Variants in SPAG16 observed in about 807,000 individuals in gnomAD.
The protein encoded by SPAG16 is sperm associated antigen 16.
SPAG16 carries 86 observed loss-of-function variants against 80.4 expected under a neutral mutation model. The observed-to-expected ratio is 1.07, with a 90% confidence interval of 0.90 to 1.28. SPAG16 has a LOEUF of 1.28. Ranked by LOEUF, SPAG16 falls within the 50% of genes most tolerant of loss-of-function variation. The pLI, the probability that SPAG16 is intolerant of heterozygous loss-of-function variation, is 0.00. For missense variants in SPAG16, 870 were observed against 765.3 expected, an observed-to-expected ratio of 1.14 and a Z score of -1.61; for synonymous variants, 294 against 265.9, an observed-to-expected ratio of 1.11 and a Z score of -1.03.
chr2:213,348,337 C>T (rs1055716699), intron 6 of SPAG16, among the ~76,000 whole-genome samples: 10 of 152,070 alleles, frequency 6.6e-5, no homozygotes, highest in Admixed American at 1.3e-4. Context: ...ATCCAGTTTG[C>T]CAGTCTGTGT....
At chr2:214,323,630 G>T (rs1696266764) in intron 15 of SPAG16, among the ~76,000 whole-genome samples, 2 of 152,126 alleles carry the variant, frequency 1.3e-5, no homozygotes, top group African/African-American at 4.8e-5. Flanking sequence ...TATTGGTGTG[G>T]CAAATAGATT....
At position 213,761,929 on chromosome 2, in the gene SPAG16, C is replaced by T. The variant is rs184327526; in HGVS notation, c.1071-100556C>T. The stretch of plus-strand genomic sequence containing the variant: ...AAACCCTACAGACCAATATCTCTTA[C>T]GAATATTGAGGCAAAAATGCTCAAA... On this transcript the variant is annotated intron_variant, in intron 10 of 15. Transcript: ENST00000331683. 2.5e-3 allele frequency among the ~76,000 whole-genome samples: 380 copies of T among 151,854 alleles called. 2 individuals carry two copies. Among genetic ancestry groups the T allele is most frequent in the African/African-American group, 8.6e-3 (355 of 41,456 alleles).
chr2:213,525,314 A>T, intron 10 of SPAG16, among the ~76,000 whole-genome samples: 1 of 117,512 alleles, frequency 8.5e-6, no homozygotes, highest in South Asian at 2.8e-4. Context: ...TTTGAGACAG[A>T]GTCTCGCTTG....
At chr2:213,924,444 G>A (rs1334374824) in intron 11 of SPAG16, among the ~76,000 whole-genome samples, 4 of 152,146 alleles carry the variant, frequency 2.6e-5, no homozygotes, top group Non-Finnish European at 5.9e-5. Flanking sequence ...GCTCCTCTCT[G>A]TTCTCTGTGT....
At chr2:213,864,044 C>T (rs1403686515) in intron 11 of SPAG16, among the ~76,000 whole-genome samples, 1 of 151,828 alleles carries the variant, frequency 6.6e-6, no homozygotes, top group Middle Eastern at 3.2e-3. Flanking sequence ...AGCAAATGTT[C>T]TTTTTGTAGA....
chr2:214,272,157 C>T (rs550634516), intron 15 of SPAG16, among the ~76,000 whole-genome samples: 2 of 152,182 alleles, frequency 1.3e-5, no homozygotes, highest in African/African-American at 2.4e-5. Context: ...TTTATATTTA[C>T]CAATTTTCCT....
intron 15 of SPAG16, among the ~76,000 whole-genome samples, chr2:214,193,908 C>A (rs1277859023): frequency 6.6e-6 from 1 of 152,042 alleles, no homozygotes; most frequent in African/African-American, 2.4e-5. Context: ...AGTTTAATTT[C>A]TTTAATGATA....
chr2:213,360,946 T>G (rs1199853260), intron 7 of SPAG16, among the ~76,000 whole-genome samples: 1 of 152,206 alleles, frequency 6.6e-6, no homozygotes, highest in Non-Finnish European at 1.5e-5. Flanking sequence ...GATTCCTGAT[T>G]GTTACTTCCT....
Position 214,191,727 on chromosome 2 carries a change from G to GAAA in SPAG16, c.1720+42474_1720+42476dup, listed in dbSNP as rs367694225. ...AGACTCTGTCTCAAAAAAAAAAAAA[G>GAAA]AAAAAAAAAAAAAAAGGAAAAACCA... On this transcript the variant is annotated intron_variant, in intron 15 of 15. Transcript: ENST00000331683. Among the ~76,000 whole-genome samples the GAAA allele has an allele frequency of 7.9e-4, 92 of 115,832 alleles. 1 individual carries two copies. Among genetic ancestry groups the GAAA allele is most frequent in the African/African-American group, 2.3e-3 (74 of 32,180 alleles). 76.0% of individuals were successfully genotyped at this position (115,832 alleles called of 152,430 possible). A position where few individuals can be genotyped will look rare whatever the true frequency, so the allele number is the denominator to read the frequency against.
intron 3 of SPAG16, among the ~76,000 whole-genome samples, chr2:213,301,240 AT>A (rs113820320): frequency 0.21 from 31,721 of 152,058 alleles, 4,310 homozygotes; most frequent in Non-Finnish European, 0.31. Context: ...TACACACTTA[AT>A]TTTAGTTAGA....
At chr2:213,488,184 CAATAAT>C (rs1284560468) in intron 9 of SPAG16, among the ~76,000 whole-genome samples, 5 of 151,918 alleles carry the variant, frequency 3.3e-5, no homozygotes, top group African/African-American at 1.2e-4. Context: ...AATTGACACT[CAATAAT>C]AAATATTATT....
chr2:213,297,551 C>T (rs149055581), intron 3 of SPAG16, among the ~76,000 whole-genome samples, 194 bp downstream of exon 3: 2 of 152,202 alleles, frequency 1.3e-5, no homozygotes, highest in African/African-American at 4.8e-5. Flanking sequence ...TTGCCATTCT[C>T]CACATCATGG....
intron 10 of SPAG16, among the ~76,000 whole-genome samples, chr2:213,739,257 C>T (rs537782558): frequency 5.8e-4 from 88 of 152,240 alleles, no homozygotes; most frequent in African/African-American, 2.0e-3. Context: ...ACTTGTACTT[C>T]AACAGGTTAA....
At chr2:213,773,836 G>A (rs1157105742) in intron 10 of SPAG16, among the ~76,000 whole-genome samples, 1 of 152,202 alleles carries the variant, frequency 6.6e-6, no homozygotes, top group East Asian at 1.9e-4. Context: ...ACAGGCATGA[G>A]CCACCAAGCC....
Position 214,248,921 on chromosome 2 carries a change from C to T in SPAG16, c.1720+99655C>T, listed in dbSNP as rs114116085. ...TGCAAATATCTGGGAGAAGACTGTT[C>T]TAAAAACTGGAACCACAGCAGATAA... On this transcript the variant is annotated intron_variant, in intron 15 of 15. Transcript: ENST00000331683. Among the ~76,000 whole-genome samples the T allele has an allele frequency of 5.0e-3, 761 of 152,138 alleles. 5 individuals carry two copies. Among genetic ancestry groups the T allele is most frequent in the African/African-American group, 0.017 (720 of 41,500 alleles).
At chr2:214,062,398 G>A (rs1423154432) in intron 13 of SPAG16, among the ~76,000 whole-genome samples, 11 of 143,978 alleles carry the variant, frequency 7.6e-5, no homozygotes, top group African/African-American at 1.8e-4. Flanking sequence ...CAGCCTGGGC[G>A]GCAGAGCACG....
intron 10 of SPAG16, among the ~76,000 whole-genome samples, chr2:213,824,970 T>G (rs2073182367): frequency 1.3e-5 from 2 of 152,134 alleles, no homozygotes; most frequent in African/African-American, 4.8e-5. Context: ...GATATTTAAT[T>G]TTATTTATAA....
chr2:213,444,875 C>T (rs1174260166), intron 9 of SPAG16, among the ~76,000 whole-genome samples: 1 of 152,088 alleles, frequency 6.6e-6, no homozygotes, highest in East Asian at 1.9e-4. Context: ...CAGTATGGTA[C>T]TGGCATAAAA....
At chr2:213,952,264 A>T (rs2079827380) in intron 12 of SPAG16, among the ~76,000 whole-genome samples, 1 of 152,086 alleles carries the variant, frequency 6.6e-6, no homozygotes, top group Non-Finnish European at 1.5e-5. Context: ...AGGGCATGGT[A>T]GAATGCAGAA....
Sources: allele counts gnomAD v4.1 joint callset (sites outside exome capture counted in the v4.1 genomes callset), GRCh38; gene constraint gnomAD v4.1.1; transcripts MANE v1.5; gene names NCBI Gene and HGNC (gene_info 2026-07-23, HGNC 2026-07-21).